KIRREL3: variants seen among roughly 807,000 people sequenced by gnomAD.
The protein encoded by KIRREL3 is kirre like nephrin family adhesion molecule 3, also known as kin of IRRE-like protein 3.
In KIRREL3, 36 loss-of-function variants were observed where a neutral mutation model predicts 89.7. The observed-to-expected ratio is 0.40, with a 90% confidence interval of 0.31 to 0.53. KIRREL3 has a LOEUF of 0.53. Among genes scored for constraint, KIRREL3 ranks in the 20% least tolerant of loss-of-function variants. The pLI is 0.49. For synonymous variants in KIRREL3, 445 were observed against 441.4 expected (o/e 1.01, Z -0.10); for missense variants, 864 against 1,056.6 (o/e 0.82, Z 2.53).
At chr11:126,853,471 A>ATGG (rs1944406739) in intron 1 of KIRREL3, among the ~76,000 whole-genome samples, 1 of 152,204 alleles carries the variant, frequency 6.6e-6, no homozygotes, top group Non-Finnish European at 1.5e-5. Flanking sequence ...GGGTAAAAGA[A>ATGG]GTGATGTCAG....
intron 2 of KIRREL3, among the ~76,000 whole-genome samples, chr11:126,536,638 A>G (rs1269367477): frequency 7.6e-6 from 1 of 131,438 alleles, no homozygotes; most frequent in Non-Finnish European, 1.5e-5. Context: ...GGCCCTGGGC[A>G]ATGCTTTTTT....
Position 126,684,250 on chromosome 11 carries a change from C to A in KIRREL3, c.56-121338G>T, listed in dbSNP as rs1315487180. 6.6e-6 allele frequency among the ~76,000 whole-genome samples: 1 copy of A among 152,222 alleles called. No homozygotes were observed. The highest frequency in any genetic ancestry group is 1.5e-5 in the Non-Finnish European group (1 of 68,038). On this transcript the variant is annotated intron_variant, in intron 1 of 16. Transcript: ENST00000525144. The surrounding 1 kb of genome is among the most constrained non-coding windows in gnomAD (Gnocchi z 4.2). Reference sequence around the variant, plus strand: ...GCCTCTGTGCCCGTTCTGGGAAAGCCCCTGGGCTTGCTGGACCCATTTCTG... The same window carrying A: ...GCCTCTGTGCCCGTTCTGGGAAAGCACCTGGGCTTGCTGGACCCATTTCTG...
At position 126,782,733 on chromosome 11, in the gene KIRREL3, T is replaced by C. The variant is rs145470314; in HGVS notation, c.55+217722A>G. Among the ~76,000 whole-genome samples the C allele has an allele frequency of 8.5e-5, 13 of 152,316 alleles. No individual in the cohort carries two copies. The highest frequency in any genetic ancestry group is 7.2e-4 in the Admixed American group (11 of 15,298). ...AGTGTTGGAGACATCAGTATGAACT[T>C]ATATTTAGCTTAATATAGATATAGA... On this transcript the variant is annotated intron_variant, in intron 1 of 16. Transcript: ENST00000525144. The surrounding 1 kb of genome is among the most constrained non-coding windows in gnomAD (Gnocchi z 4.1).
rs754258973 is a variant in KIRREL3 at position 126,772,829 on chromosome 11, A to G, written c.56-209917T>C. Reference sequence around the variant, plus strand: ...CCTTGGTTTTGAGCCTTTGCCCCTAATGCCAGCACCATACCTACTGCATCT... The same window carrying G: ...CCTTGGTTTTGAGCCTTTGCCCCTAGTGCCAGCACCATACCTACTGCATCT... On this transcript the variant is annotated intron_variant, in intron 1 of 16. Transcript: ENST00000525144. This position sits in a 1 kb window ranked among gnomAD's most constrained non-coding sequence, Gnocchi z 4.6. Among the ~76,000 whole-genome samples the G allele has an allele frequency of 2.0e-5, 3 of 152,042 alleles. No individual in the cohort carries two copies. The highest frequency in any genetic ancestry group is 4.4e-5 in the Non-Finnish European group (3 of 67,996).
chr11:126,440,627 T>C, intron 10 of KIRREL3, 78 bp from the exon 11 acceptor site: 1 of 1,242,172 alleles, frequency 8.1e-7, no homozygotes, highest in South Asian at 1.3e-5. Flanking sequence ...GGTTCAGAAG[T>C]GTATTCATTA....
chr11:126,976,657 T>C lies in KIRREL3; in HGVS notation c.55+23798A>G, dbSNP rs1949585007. Among the ~76,000 whole-genome samples, 1 of 152,216 alleles carries C rather than the reference T, an allele frequency of 6.6e-6. No individual in the cohort carries two copies. The highest frequency in any genetic ancestry group is 1.5e-5 in the Non-Finnish European group (1 of 68,042). On this transcript the variant is annotated intron_variant, in intron 1 of 16. Transcript: ENST00000525144. The surrounding 1 kb of genome is among the most constrained non-coding windows in gnomAD (Gnocchi z 4.2). Reference sequence around the variant, plus strand: ...TTTAAACATACCATAAGCATCATCATTATTATAGTGATAGTTAATATTTAT... The same window carrying C: ...TTTAAACATACCATAAGCATCATCACTATTATAGTGATAGTTAATATTTAT...
intron 1 of KIRREL3, among the ~76,000 whole-genome samples, chr11:126,670,995 A>G (rs987383124): frequency 6.6e-6 from 1 of 152,206 alleles, no homozygotes; most frequent in African/African-American, 2.4e-5. Flanking sequence ...AGATCAGTGG[A>G]ACAGGATAGA....
At position 126,475,122 on chromosome 11, in the gene KIRREL3, C is replaced by T. The variant is rs761542301; in HGVS notation, c.434-1656G>A. The stretch of plus-strand genomic sequence containing the variant: ...AGAAGGGGTAGTTGGATAACGGGGG[C>T]GTGGGAACCTAGCACAAAGGGTCCT... On this transcript the variant is annotated intron_variant, in intron 4 of 16. Transcript: ENST00000525144. This position sits in a 1 kb window ranked among gnomAD's most constrained non-coding sequence, Gnocchi z 7.5. Among the ~76,000 whole-genome samples, 15 of 152,180 alleles carry T rather than the reference C, an allele frequency of 9.9e-5. No homozygotes were observed. The highest frequency in any genetic ancestry group is 1.4e-4 in the African/African-American group (6 of 41,444).
chr11:126,634,164 G>A (rs1395647545), intron 1 of KIRREL3, among the ~76,000 whole-genome samples: 2 of 152,168 alleles, frequency 1.3e-5, no homozygotes, highest in Non-Finnish European at 2.9e-5. Context: ...GACTGGGTGT[G>A]TTGTCTGTAT....
intron 1 of KIRREL3, among the ~76,000 whole-genome samples, chr11:126,593,706 T>A (rs1725678612): frequency 6.6e-6 from 1 of 152,236 alleles, no homozygotes; most frequent in Admixed American, 6.5e-5. Flanking sequence ...AATTCCTTAA[T>A]TCTGAGTGAA....
At chr11:126,839,775 T>C (rs926689028) in intron 1 of KIRREL3, among the ~76,000 whole-genome samples, 3 of 152,220 alleles carry the variant, frequency 2.0e-5, no homozygotes, top group Non-Finnish European at 4.4e-5. Context: ...GTTTTATGTA[T>C]TACGCTACTT....
chr11:126,500,388 A>C (rs954710587), intron 4 of KIRREL3, among the ~76,000 whole-genome samples: 5 of 152,244 alleles, frequency 3.3e-5, no homozygotes, highest in African/African-American at 4.8e-5. Context: ...GTCCAGACTC[A>C]AAGCCTGCTT....
chr11:126,597,803 G>T (rs1048996422), intron 1 of KIRREL3, among the ~76,000 whole-genome samples: 8 of 152,202 alleles, frequency 5.3e-5, no homozygotes, highest in African/African-American at 1.9e-4. Flanking sequence ...TAACAAAAAT[G>T]TATGCAATTG....
rs543142663 is a variant in KIRREL3, at chr11:126,861,497, C to T, written c.55+138958G>A. 7.0e-4 allele frequency among the ~76,000 whole-genome samples: 107 copies of T among 152,292 alleles called. 1 individual carries two copies. The Middle Eastern group carries it at 0.031, about 44-fold the overall frequency. On this transcript the variant is annotated intron_variant, in intron 1 of 16. Transcript: ENST00000525144. The stretch of plus-strand genomic sequence containing the variant: ...GTGCCTTCCGTTGGCTGAACCTACA[C>T]GGTAGCCAGTTGGCCAGGAGGTTTG...
intron 1 of KIRREL3, among the ~76,000 whole-genome samples, chr11:126,577,840 G>A (rs529843929): frequency 2.6e-5 from 4 of 152,136 alleles, no homozygotes; most frequent in African/African-American, 9.6e-5. Flanking sequence ...ATAGCTGAGT[G>A]AGAAGCTGTG....
At position 126,991,871 on chromosome 11, in the gene KIRREL3, T is replaced by G. The variant is rs1254330203; in HGVS notation, c.55+8584A>C. On this transcript the variant is annotated intron_variant, in intron 1 of 16. Transcript: ENST00000525144. The surrounding 1 kb of genome is among the most constrained non-coding windows in gnomAD (Gnocchi z 5.8). ...TGTGGAACAGCTGGATGTACCAGCATCTTGAGGAACATCAAGGCACATGAA... is the reference window on the plus strand; with the variant it reads ...TGTGGAACAGCTGGATGTACCAGCAGCTTGAGGAACATCAAGGCACATGAA... Among the ~76,000 whole-genome samples the G allele has an allele frequency of 6.6e-6, 1 of 152,230 alleles. No homozygotes were observed. Among genetic ancestry groups the G allele is most frequent in the Non-Finnish European group, 1.5e-5 (1 of 68,042 alleles).
At chr11:126,548,159 C>A (rs772747111) in intron 2 of KIRREL3, among the ~76,000 whole-genome samples, 1 of 152,138 alleles carries the variant, frequency 6.6e-6, no homozygotes, top group Non-Finnish European at 1.5e-5. Context: ...TCATCTGTAC[C>A]TCTCTTTAGT....
In KIRREL3 at chr11:126,537,720, TG is replaced by T. The variant is rs568195584; in HGVS notation, c.134-11034del. 1.2e-4 allele frequency among the ~76,000 whole-genome samples: 18 copies of T among 152,198 alleles called. No homozygotes were observed. In the East Asian group the frequency reaches 3.3e-3, roughly 28 times the overall value. On this transcript the variant is annotated intron_variant, in intron 2 of 16. Coordinates refer to ENST00000525144, the MANE Select transcript of KIRREL3 (RefSeq NM_032531.4). The surrounding 1 kb of genome is among the most constrained non-coding windows in gnomAD (Gnocchi z 4.3). ...AGCTTCAGTTTCCCTATCTGAAAAA[TG>T]GGGATGACACGCCTCCCTGGCAAAG...
chr11:126,980,729 G>T (rs1480641457), intron 1 of KIRREL3, among the ~76,000 whole-genome samples: 1 of 152,196 alleles, frequency 6.6e-6, no homozygotes, highest in Non-Finnish European at 1.5e-5. Context: ...ACTAAGTGCT[G>T]GGAATATAGG....
Sources: allele counts gnomAD v4.1 joint callset (sites outside exome capture counted in the v4.1 genomes callset), GRCh38; gene constraint gnomAD v4.1.1; non-coding constraint Gnocchi (gnomAD v3.1); transcripts MANE v1.5; gene names NCBI Gene and HGNC (gene_info 2026-07-23, HGNC 2026-07-21).